CPHXL: variants seen among roughly 807,000 people sequenced by gnomAD.
CPHXL encodes the protein cytoplasmic polyadenylated homeobox-like protein.
chr16:75,725,401 A>C (rs916799074), intron 1 of CPHXL, among the ~76,000 whole-genome samples: 2 of 150,582 alleles, frequency 1.3e-5, no homozygotes, highest in African/African-American at 4.9e-5. Context: ...CTATTCTTGC[A>C]CCTCAACTTT....
chr16:75,725,862 T>C (rs1454718169), intron 1 of CPHXL, among the ~76,000 whole-genome samples: 1 of 150,728 alleles, frequency 6.6e-6, no homozygotes, highest in Non-Finnish European at 1.5e-5. Flanking sequence ...CTCCTTGTTT[T>C]ATTATTACTC....
At chr16:75,718,078 C>T (rs564837856) in intron 2 of CPHXL, among the ~76,000 whole-genome samples, 187 bp downstream of exon 2, 100 of 151,688 alleles carry the variant, frequency 6.6e-4, no homozygotes, top group African/African-American at 2.3e-3. Flanking sequence ...AAAAGCCTGG[C>T]GGGGTGGTGT....
At chr16:75,722,066 G>C (rs1959485857) in intron 1 of CPHXL, among the ~76,000 whole-genome samples, 1 of 152,144 alleles carries the variant, frequency 6.6e-6, no homozygotes, top group African/African-American at 2.4e-5. Context: ...TGAGAACAAA[G>C]ACCCAACATA....
rs1235300191 is a variant in CPHXL at position 75,714,415 on chromosome 16, G to C, written c.1027C>G (p.Leu343Val). 4 of 398,608 alleles carry C rather than the reference G, an allele frequency of 1.0e-5. No individual in the cohort carries two copies. The highest frequency in any genetic ancestry group is 6.3e-4 in the Middle Eastern group (1 of 1,588). The allele number at this position is 398,608 out of a possible 1,614,324, so 24.7% of individuals were successfully genotyped here. A position where few individuals can be genotyped will look rare whatever the true frequency, so the allele number is the denominator to read the frequency against. The change falls in exon 3 of 3, where the codon CTA (leucine) becomes GTA (valine). Residue 343 changes from leucine to valine, a missense_variant. By Grantham distance (32) the Leu-to-Val change is conservative. Coordinates refer to ENST00000640559, the MANE Select transcript of CPHXL (RefSeq NM_001355613.1). Reference sequence around the variant, plus strand: ...TGAGCCGAGGACCACTGCTTCCCTAGATCCCAAGGACCCGAGTCCATTGGG... The same window carrying C: ...TGAGCCGAGGACCACTGCTTCCCTACATCCCAAGGACCCGAGTCCATTGGG... ...QLPMDSGPWD[L>V]GKQWSSAQSQ... is the part of the protein sequence containing the mutation.
At chr16:75,725,087 G>A (rs901951768) in intron 1 of CPHXL, among the ~76,000 whole-genome samples, 1 of 148,382 alleles carries the variant, frequency 6.7e-6, no homozygotes, top group African/African-American at 2.5e-5. Flanking sequence ...AGAACACATG[G>A]ACACAGGAAG....
intron 1 of CPHXL, among the ~76,000 whole-genome samples, chr16:75,724,211 TG>T (rs1207102626): frequency 6.6e-6 from 1 of 152,180 alleles, no homozygotes; most frequent in Non-Finnish European, 1.5e-5. Flanking sequence ...GACATAGGCA[TG>T]GGCAAGGACT....
At position 75,715,007 on chromosome 16, in the gene CPHXL, C is replaced by G; in HGVS notation, c.435G>C (p.Gln145His). 1 of 398,602 alleles carries G rather than the reference C, an allele frequency of 2.5e-6. No homozygotes were observed. Among genetic ancestry groups the G allele is most frequent in the Non-Finnish European group, 4.4e-6 (1 of 225,998 alleles). 24.7% of individuals were successfully genotyped at this position (398,602 alleles called of 1,614,324 possible). A position where few individuals can be genotyped will look rare whatever the true frequency, so the allele number is the denominator to read the frequency against. ...RRAGCSHLEK[Q>H]WIPSQEMGYN... ...AGCCCATTTCTTGACTGGGAATCCA[C>G]TGTTTCTCCAGATGGGAGCAACCAG... The change falls in exon 3 of 3, where the codon CAG becomes CAC. Residue 145 changes from glutamine to histidine, a missense_variant. By Grantham distance (24) the Gln-to-His change is conservative. Transcript: ENST00000640559.
In CPHXL at chr16:75,714,984, C is replaced by G; in HGVS notation, c.458G>C (p.Gly153Ala). 2.5e-6 allele frequency: 1 copy of G among 398,656 alleles called. No homozygotes were observed. The highest frequency in any genetic ancestry group is 2.1e-5 in the African/African-American group (1 of 48,750). The allele number at this position is 398,656 out of a possible 1,614,324, so 24.7% of individuals were successfully genotyped here. The change falls in exon 3 of 3, where the codon GGC becomes GCC. Residue 153 changes from glycine (G) to alanine (A), a missense_variant. Coordinates refer to ENST00000640559, the MANE Select transcript of CPHXL (RefSeq NM_001355613.1). ...EKQWIPSQEM[G>A]YNCFSLENQE... Reference sequence around the variant, plus strand: ...GTTCTCCAAAGAGAAACAATTATAGCCCATTTCTTGACTGGGAATCCACTG... The same window carrying G: ...GTTCTCCAAAGAGAAACAATTATAGGCCATTTCTTGACTGGGAATCCACTG...
At chr16:75,723,035 T>C (rs906149720) in intron 1 of CPHXL, among the ~76,000 whole-genome samples, 7 of 152,132 alleles carry the variant, frequency 4.6e-5, no homozygotes, top group African/African-American at 1.7e-4. Context: ...AAAAGGCCTT[T>C]GACAAAATTC....
intron 1 of CPHXL, among the ~76,000 whole-genome samples, chr16:75,719,863 A>G (rs1173192882): frequency 6.6e-6 from 1 of 152,182 alleles, no homozygotes; most frequent in Non-Finnish European, 1.5e-5. Flanking sequence ...CAGTAGGGGC[A>G]GACTGACACC....
rs563379381 is a variant in CPHXL, at chr16:75,715,176, C to T, written c.266G>A (p.Arg89His). Residue 89 changes from arginine (R) to histidine (H), a missense_variant, in exon 3 of 3, where the codon CGC becomes CAC. Coordinates refer to ENST00000640559, the MANE Select transcript of CPHXL (RefSeq NM_001355613.1). Reference sequence around the variant, plus strand: ...CTTTTTCTGAAGAACAAATATTCTGCGTCTTTCTGCAGGTGGAAGTCTGGC... The same window carrying T: ...CTTTTTCTGAAGAACAAATATTCTGTGTCTTTCTGCAGGTGGAAGTCTGGC... ...KRARLPPAER[R>H]RIFVLQKKHD... 25 of 398,888 alleles carry T rather than the reference C, an allele frequency of 6.3e-5. No homozygotes were observed. Among genetic ancestry groups the T allele is most frequent in the South Asian group, 1.3e-4 (1 of 7,862 alleles). 24.7% of individuals were successfully genotyped at this position (398,888 alleles called of 1,614,324 possible).
intron 1 of CPHXL, among the ~76,000 whole-genome samples, chr16:75,725,774 T>TTTTTTTTTTTTTTTTTC (rs1959550426): frequency 5.0e-5 from 7 of 138,782 alleles, no homozygotes; most frequent in Admixed American, 4.7e-4. Flanking sequence ...TTTTTTTTTT[T>TTTTTTTTTTTTTTTTTC]TTTTTTTTTA....
In CPHXL at chr16:75,718,578, C is replaced by T. The variant is rs8047561; in HGVS notation, c.26-120G>A. On this transcript the variant is annotated intron_variant, in intron 1 of 2. Coordinates refer to ENST00000640559, the MANE Select transcript of CPHXL (RefSeq NM_001355613.1). ...CCTCCCCTTCCCAAGATGAAATCCA[C>T]GTGTGACCTCATAGCTACTCACAAT... 5.4e-3 allele frequency: 2,135 copies of T among 394,706 alleles called. 45 individuals carry two copies. Among genetic ancestry groups the T allele is most frequent in the African/African-American group, 0.04 (1,941 of 48,684 alleles). The allele number at this position is 394,706 out of a possible 1,614,324, so 24.5% of individuals were successfully genotyped here. A position where few individuals can be genotyped will look rare whatever the true frequency, so the allele number is the denominator to read the frequency against.
At position 75,723,733 on chromosome 16, in the gene CPHXL, C is replaced by T. The variant is rs1193343262; in HGVS notation, c.25+2685G>A. Among the ~76,000 whole-genome samples, 3 of 152,218 alleles carry T rather than the reference C, an allele frequency of 2.0e-5. 1 individual carries two copies. In the East Asian group the frequency reaches 5.8e-4, roughly 29 times the overall value. ...ATCAAGCTACCAATGACTTTCTTCA[C>T]AGAATTGGAAAAAACTACTTTAAAG... On this transcript the variant is annotated intron_variant, in intron 1 of 2. Coordinates refer to ENST00000640559, the MANE Select transcript of CPHXL (RefSeq NM_001355613.1).
In CPHXL at chr16:75,714,393, G is replaced by C; in HGVS notation, c.1049C>G (p.Ala350Gly). ...PWDLGKQWSSAQSQLQSQLPQ... is the reference protein window; with the variant it reads ...PWDLGKQWSSGQSQLQSQLPQ... ...CAGTTGACTCTGCAGCTGTGACTGA[G>C]CCGAGGACCACTGCTTCCCTAGATC... is the stretch of plus-strand genomic sequence containing the variant. Residue 350 changes from alanine (A) to glycine (G), a missense_variant, in exon 3 of 3, where the codon GCT (alanine) becomes GGT (glycine). Transcript: ENST00000640559. The C allele has an allele frequency of 2.5e-6, 1 of 398,576 alleles. No individual in the cohort carries two copies. Among genetic ancestry groups the C allele is most frequent in the East Asian group, 3.6e-5 (1 of 28,072 alleles). The allele number at this position is 398,576 out of a possible 1,614,324, so 24.7% of individuals were successfully genotyped here. A position where few individuals can be genotyped will look rare whatever the true frequency, so the allele number is the denominator to read the frequency against.
intron 1 of CPHXL, among the ~76,000 whole-genome samples, chr16:75,721,365 G>A (rs1000961994): frequency 6.6e-4 from 101 of 152,020 alleles, no homozygotes; most frequent in African/African-American, 2.0e-3. Context: ...CACATCTCAC[G>A]TGCAGAGACA....
Position 75,714,843 on chromosome 16 carries a change from C to A in CPHXL, c.599G>T (p.Ser200Ile), listed in dbSNP as rs1959367291. 3 of 398,562 alleles carry A rather than the reference C, an allele frequency of 7.5e-6. No homozygotes were observed. The highest frequency in any genetic ancestry group is 1.3e-4 in the South Asian group (1 of 7,858). 24.7% of individuals were successfully genotyped at this position (398,562 alleles called of 1,614,324 possible). ...CSYLEKLGIPSQQVASQSSYL... is the reference protein window; with the variant it reads ...CSYLEKLGIPIQQVASQSSYL... ...GGAACTCTGGGAGGCCACCTGTTGA[C>A]TGGGAATCCCTAGTTTCTCCAGATA... The change falls in exon 3 of 3, where the codon AGT becomes ATT. Residue 200 changes from serine (S) to isoleucine (I), a missense_variant. Physicochemically the swap from Ser to Ile is moderately radical, Grantham distance 142. Transcript: ENST00000640559.
chr16:75,723,030 G>T (rs1012211326), intron 1 of CPHXL, among the ~76,000 whole-genome samples: 1 of 152,118 alleles, frequency 6.6e-6, no homozygotes, highest in Non-Finnish European at 1.5e-5. Context: ...CGCAGAAAAG[G>T]CCTTTGACAA....
At chr16:75,725,214 A>T (rs1443698909) in intron 1 of CPHXL, among the ~76,000 whole-genome samples, 1 of 152,186 alleles carries the variant, frequency 6.6e-6, no homozygotes, top group African/African-American at 2.4e-5. Flanking sequence ...AACATGGCAC[A>T]TGTATATATA....
Sources: gnomAD v4.1 joint callset for allele counts (sites outside exome capture counted in the v4.1 genomes callset) on GRCh38, gnomAD v4.1.1 for gene constraint, MANE v1.5 for transcripts, NCBI Gene and HGNC (gene_info 2026-07-23, HGNC 2026-07-21) for gene names.